CENPW: variants seen among roughly 807,000 people sequenced by gnomAD.
CENPW encodes cancer-up-regulated gene 2 protein.
CENPW carries 3 observed loss-of-function variants against 11.1 expected under a neutral mutation model. That is an observed-to-expected ratio of 0.27 (90% CI 0.12 to 0.70). The LOEUF is 0.70. Ranked by LOEUF, CENPW falls within the 30% of genes least tolerant of loss-of-function variation. The pLI is 0.77. For synonymous variants in CENPW, 38 were observed against 42.0 expected (o/e 0.91, Z 0.37); for missense variants, 100 against 105.6 (o/e 0.95, Z 0.23).
the CENPW span, among the ~76,000 whole-genome samples, chr6:126,438,666 T>A: frequency 6.6e-6 from 1 of 151,626 alleles, no homozygotes; most frequent in Non-Finnish European, 1.5e-5. Flanking sequence ...TCTTTGGGAG[T>A]ACAAACACAC....
At chr6:126,372,595 G>T in the CENPW span, among the ~76,000 whole-genome samples, 1 of 152,030 alleles carries the variant, frequency 6.6e-6, no homozygotes, top group Non-Finnish European at 1.5e-5. Flanking sequence ...TGTAATATAG[G>T]TGCAAAATTG....
At chr6:126,416,597 C>G in the CENPW span, among the ~76,000 whole-genome samples, 1 of 152,254 alleles carries the variant, frequency 6.6e-6, no homozygotes, top group East Asian at 1.9e-4. Context: ...TGTGTGCAGC[C>G]TAGGGACTTG....
chr6:126,476,596 C>A, the CENPW span, among the ~76,000 whole-genome samples: 4 of 151,816 alleles, frequency 2.6e-5, no homozygotes, highest in African/African-American at 9.7e-5. Flanking sequence ...TTGTTAGAAC[C>A]CTATTTCTAT....
the CENPW span, among the ~76,000 whole-genome samples, chr6:126,428,872 T>C: frequency 6.6e-6 from 1 of 152,182 alleles, no homozygotes; most frequent in Non-Finnish European, 1.5e-5. Flanking sequence ...AGAAAATAAC[T>C]ATAATTATAT....
the CENPW span, among the ~76,000 whole-genome samples, chr6:126,372,279 G>A: frequency 1.3e-5 from 2 of 152,050 alleles, no homozygotes; most frequent in African/African-American, 4.8e-5. Flanking sequence ...AAATTCATGT[G>A]CTTTGAGGAC....
chr6:126,482,215 G>A, the CENPW span, among the ~76,000 whole-genome samples: 25 of 152,022 alleles, frequency 1.6e-4, no homozygotes, highest in Middle Eastern at 3.4e-3. Context: ...TTTTCCCAGT[G>A]CAACATTTCT....
the CENPW span, among the ~76,000 whole-genome samples, chr6:126,388,948 C>G: frequency 6.6e-6 from 1 of 151,948 alleles, no homozygotes. Flanking sequence ...GATGAAAAAG[C>G]AAGCATTCAA....
the CENPW span, among the ~76,000 whole-genome samples, chr6:126,453,543 T>C: frequency 6.6e-6 from 1 of 151,192 alleles, no homozygotes; most frequent in Non-Finnish European, 1.5e-5. Flanking sequence ...CCTTGCAAGA[T>C]GTCCTTAAGG....
At chr6:126,407,169 T>A in the CENPW span, among the ~76,000 whole-genome samples, 1 of 152,168 alleles carries the variant, frequency 6.6e-6, no homozygotes, top group Non-Finnish European at 1.5e-5. Flanking sequence ...CATTTGTAAG[T>A]GAGAACATAA....
the CENPW span, among the ~76,000 whole-genome samples, chr6:126,366,873 C>G: frequency 6.6e-6 from 1 of 152,144 alleles, no homozygotes; most frequent in Non-Finnish European, 1.5e-5. Flanking sequence ...GCTATCTCAT[C>G]TGATGGTGGG....
At chr6:126,418,930 G>A in the CENPW span, among the ~76,000 whole-genome samples, 1 of 124,226 alleles carries the variant, frequency 8.0e-6, no homozygotes, top group African/African-American at 3.1e-5. Flanking sequence ...GGGGCCTGTT[G>A]TGGGGTGGGG....
the CENPW span, among the ~76,000 whole-genome samples, chr6:126,468,353 G>C: frequency 6.9e-6 from 1 of 145,144 alleles, no homozygotes; most frequent in African/African-American, 2.6e-5. Flanking sequence ...CCAAGAGGCA[G>C]AGGTTGCAAT....
At chr6:126,353,748 T>C (rs1780518555), downstream of CENPW, among the ~76,000 whole-genome samples, 1 of 152,104 alleles carries the variant, frequency 6.6e-6, no homozygotes, top group Non-Finnish European at 1.5e-5. Flanking sequence ...TGTCACACAT[T>C]ATCTCTTACA....
At chr6:126,384,043 C>T in the CENPW span, among the ~76,000 whole-genome samples, 16 of 152,212 alleles carry the variant, frequency 1.1e-4, no homozygotes, top group African/African-American at 3.9e-4. Context: ...GAGGTCATAG[C>T]AATCACTCTC....
chr6:126,371,444 G>C, the CENPW span, among the ~76,000 whole-genome samples: 2 of 152,156 alleles, frequency 1.3e-5, no homozygotes, highest in Non-Finnish European at 2.9e-5. Flanking sequence ...AAACCCAGTT[G>C]ATCATGGTGG....
chr6:126,430,569 G>A, the CENPW span, among the ~76,000 whole-genome samples: 1 of 152,126 alleles, frequency 6.6e-6, no homozygotes, highest in Non-Finnish European at 1.5e-5. Flanking sequence ...TGTTCTGATT[G>A]GGCTGTGATG....
chr6:126,431,187 C>T, the CENPW span, among the ~76,000 whole-genome samples: 1 of 152,084 alleles, frequency 6.6e-6, no homozygotes, highest in African/African-American at 2.4e-5. Context: ...AGATAAACAC[C>T]TGTTGATTTA....
chr6:126,436,051 C>T, the CENPW span, among the ~76,000 whole-genome samples: 11 of 151,676 alleles, frequency 7.3e-5, no homozygotes, highest in Admixed American at 1.3e-4. Context: ...CAGAGTTTAG[C>T]GTTCCGGGGT....
chr6:126,406,753 G>A, the CENPW span, among the ~76,000 whole-genome samples: 1 of 151,994 alleles, frequency 6.6e-6, no homozygotes, highest in Non-Finnish European at 1.5e-5. Context: ...TTGAGAGGCT[G>A]AGGCAGGATA....
Sources: allele counts gnomAD v4.1 joint callset (sites outside exome capture counted in the v4.1 genomes callset), GRCh38; gene constraint gnomAD v4.1.1; transcripts MANE v1.5; gene names NCBI Gene and HGNC (gene_info 2026-07-23, HGNC 2026-07-21).